Variants in TMEM232 observed in about 807,000 individuals in gnomAD.
TMEM232 encodes the protein transmembrane protein 232.
A neutral mutation model predicts 78.8 loss-of-function variants in TMEM232; 80 were observed. That is an observed-to-expected ratio of 1.01 (90% confidence interval 0.85 to 1.22). The LOEUF is 1.22. TMEM232 is among the 50% of genes most tolerant of loss of function. TMEM232 has a pLI of 0.00. For synonymous variants in TMEM232, 297 were observed against 254.3 expected (o/e 1.17, Z -1.60); for missense variants, 881 against 742.2 (o/e 1.19, Z -2.17).
chr5:110,699,858 A>G (rs115401844), intron 1 of TMEM232, among the ~76,000 whole-genome samples: 1,786 of 152,148 alleles, frequency 0.012, 47 homozygotes, highest in African/African-American at 0.04. Flanking sequence ...TCAATAACCT[A>G]TATCTCCAGG....
At chr5:110,568,384 G>T (rs1359811902) in intron 11 of TMEM232, 63 bp downstream of exon 11, 46 of 1,394,668 alleles carry the variant, frequency 3.3e-5, no homozygotes, top group Non-Finnish European at 4.3e-5. Context: ...ACCATGGAGA[G>T]AAATGACAAC....
chr5:110,453,563 A>G (rs370280659), intron 12 of TMEM232, among the ~76,000 whole-genome samples: 8 of 152,284 alleles, frequency 5.3e-5, no homozygotes, highest in African/African-American at 1.9e-4. Flanking sequence ...TGCCATGCAA[A>G]GTGCTGGGAT....
chr5:110,478,528 T>A (rs1426651268), intron 12 of TMEM232, among the ~76,000 whole-genome samples: 1 of 151,854 alleles, frequency 6.6e-6, no homozygotes, highest in Admixed American at 6.6e-5. Context: ...GAAAATGACT[T>A]CAGTTTTCCA....
intron 8 of TMEM232, among the ~76,000 whole-genome samples, chr5:110,617,384 A>AAT (rs1554059505): frequency 6.6e-6 from 1 of 151,790 alleles, no homozygotes; most frequent in Admixed American, 6.6e-5. Flanking sequence ...TGGTAAAAAA[A>AAT]ATATATTTTG....
chr5:110,447,601 A>AATT (rs1759809022), intron 12 of TMEM232, among the ~76,000 whole-genome samples: 1 of 152,156 alleles, frequency 6.6e-6, no homozygotes, highest in Non-Finnish European at 1.5e-5. Context: ...AACTTTTAAA[A>AATT]ATTATTTGCT....
At chr5:110,594,954 G>C (rs1278116238) in intron 10 of TMEM232, among the ~76,000 whole-genome samples, 2 of 152,192 alleles carry the variant, frequency 1.3e-5, no homozygotes, top group East Asian at 3.9e-4. Context: ...AAATGGGTCG[G>C]TGACCCCTGT....
intron 12 of TMEM232, among the ~76,000 whole-genome samples, chr5:110,519,773 G>A (rs555371215): frequency 4.0e-5 from 6 of 151,736 alleles, no homozygotes; most frequent in Admixed American, 1.3e-4. Flanking sequence ...TATACACAAT[G>A]TAATATTATT....
chr5:110,403,515 A>G (rs947561512), intron 2 of TMEM232, among the ~76,000 whole-genome samples: 3 of 152,050 alleles, frequency 2.0e-5, no homozygotes, highest in Non-Finnish European at 4.4e-5. Context: ...GTTGCCAGGG[A>G]CCATTCATAG....
intron 1 of TMEM232, among the ~76,000 whole-genome samples, chr5:110,678,703 C>T (rs964658646): frequency 6.6e-6 from 1 of 152,100 alleles, no homozygotes; most frequent in African/African-American, 2.4e-5. Context: ...GACCCCCCAC[C>T]ATGCCTGGCA....
At chr5:110,610,400 C>T (rs1301551180) in intron 8 of TMEM232, 3 of 202,492 alleles carry the variant, frequency 1.5e-5, no homozygotes, top group Admixed American at 1.1e-4. Context: ...CATGGGTTTT[C>T]CCACCATAAT....
chr5:110,391,290 A>AAT (rs1006915933), intron 3 of TMEM232, among the ~76,000 whole-genome samples: 305 of 36,664 alleles, frequency 8.3e-3, no homozygotes, highest in African/African-American at 0.015. Context: ...CTCCCGTTTG[A>AAT]ATGTGTGTGT....
At position 110,601,280 on chromosome 5, in the gene TMEM232, T is replaced by C. The variant is rs145647135; in HGVS notation, c.1276+3829A>G. 3.2e-3 allele frequency among the ~76,000 whole-genome samples: 488 copies of C among 152,258 alleles called. 1 individual carries two copies. Among genetic ancestry groups the C allele is most frequent in the African/African-American group, 0.011 (467 of 41,556 alleles). ...CCTCTTTTACCACTCCTATTCAACA[T>C]AGTATTGGAAGTTCTGGCCAGGGAA... On this transcript the variant is annotated intron_variant, in intron 10 of 13. Coordinates refer to ENST00000455884, the MANE Select transcript of TMEM232 (RefSeq NM_001039763.4).
intron 5 of TMEM232, among the ~76,000 whole-genome samples, chr5:110,632,643 A>G (rs1243222027): frequency 1.3e-5 from 2 of 151,502 alleles, no homozygotes; most frequent in East Asian, 1.9e-4. Flanking sequence ...ATAAACTAAA[A>G]CAACAACACA....
At position 110,698,083 on chromosome 5, in the gene TMEM232, T is replaced by C. The variant is rs547555785; in HGVS notation, c.-13+28544A>G. ...CTGGATTAAGAAAATGTGGCACATA[T>C]ATACCATGGAATACTATCCAGCCAT... On this transcript the variant is annotated intron_variant, in intron 1 of 13. Transcript: ENST00000455884. 1.2e-3 allele frequency among the ~76,000 whole-genome samples: 176 copies of C among 152,288 alleles called. 1 individual carries two copies. The Middle Eastern group carries it at 0.014, about 12-fold the overall frequency.
chr5:110,436,202 T>G (rs1048979298), intron 12 of TMEM232, among the ~76,000 whole-genome samples: 5 of 152,098 alleles, frequency 3.3e-5, no homozygotes, highest in African/African-American at 1.2e-4. Flanking sequence ...ATTTCTCGGA[T>G]GATTAATGGT....
At chr5:110,689,678 G>C (rs1009431026) in intron 1 of TMEM232, among the ~76,000 whole-genome samples, 6 of 152,088 alleles carry the variant, frequency 3.9e-5, no homozygotes, top group East Asian at 1.9e-4. Context: ...ATATAGCCAA[G>C]ACAATCCTAA....
intron 12 of TMEM232, among the ~76,000 whole-genome samples, chr5:110,524,461 A>G (rs997733693): frequency 1.3e-5 from 2 of 151,050 alleles, no homozygotes; most frequent in African/African-American, 4.9e-5. Flanking sequence ...AAGAAAGAAA[A>G]AGAAAGAAAG....
At chr5:110,455,716 C>T (rs140951988) in intron 12 of TMEM232, among the ~76,000 whole-genome samples, 7 of 152,126 alleles carry the variant, frequency 4.6e-5, no homozygotes, top group East Asian at 1.9e-4. Flanking sequence ...GAGAGCAAAT[C>T]GAATCTACTA....
At chr5:110,451,017 C>A (rs1328553097) in intron 12 of TMEM232, among the ~76,000 whole-genome samples, 1 of 152,122 alleles carries the variant, frequency 6.6e-6, no homozygotes, top group Admixed American at 6.6e-5. Flanking sequence ...AGAAAAGAAC[C>A]TGGGTGACTA....
Sources: allele counts gnomAD v4.1 joint callset (sites outside exome capture counted in the v4.1 genomes callset), GRCh38; gene constraint gnomAD v4.1.1; transcripts MANE v1.5; gene names NCBI Gene and HGNC (gene_info 2026-07-23, HGNC 2026-07-21).